The following ARNT variants were observed in gnomAD, a reference collection of about 807,000 sequenced individuals.
The protein encoded by ARNT is class E basic helix-loop-helix protein 2.
ARNT carries 30 observed loss-of-function variants against 105.0 expected under a neutral mutation model. The ratio of observed to expected loss-of-function variants is 0.29; its 90% CI spans 0.21 to 0.39. ARNT has a LOEUF of 0.39. Ranked by LOEUF, ARNT falls within the 10% of genes least tolerant of loss-of-function variation. ARNT has a pLI of 1.00. For synonymous variants in ARNT, 304 were observed against 344.0 expected (o/e 0.88, Z 1.29); for missense variants, 748 against 978.7 (o/e 0.76, Z 3.15).
intron 3 of ARNT, among the ~76,000 whole-genome samples, chr1:150,851,581 CAT>C (rs1663570431): frequency 6.6e-6 from 1 of 152,190 alleles, no homozygotes; most frequent in African/African-American, 2.4e-5. Context: ...CTCTCTGAAA[CAT>C]GTGCTGTGTC....
At chr1:150,860,566 TAA>T (rs1665445673) in intron 1 of ARNT, among the ~76,000 whole-genome samples, 1 of 151,552 alleles carries the variant, frequency 6.6e-6, no homozygotes, top group African/African-American at 2.4e-5. Flanking sequence ...CCAAAATATA[TAA>T]AGAGTGGCCA....
intron 14 of ARNT, among the ~76,000 whole-genome samples, chr1:150,822,705 C>T (rs1215531470): frequency 6.6e-6 from 1 of 152,150 alleles, no homozygotes; most frequent in East Asian, 1.9e-4. Context: ...AGCAAATTGA[C>T]TGAACCCAAG....
chr1:150,826,341 T>C (rs1320015407), intron 13 of ARNT, among the ~76,000 whole-genome samples: 3 of 152,184 alleles, frequency 2.0e-5, no homozygotes, highest in African/African-American at 7.2e-5. Context: ...AGACAGTAAA[T>C]AGCCAAAGCC....
rs188839167 is a variant in ARNT, at chr1:150,874,007, A to C, written c.25+2536T>G. ...TATTTTTTAAAATCTTGACAAAACT[A>C]ACAAGAATTGTAAAAAAAAAAAAAA... is the stretch of plus-strand genomic sequence containing the variant. On this transcript the variant is annotated intron_variant, in intron 1 of 21. Transcript: ENST00000358595. Among the ~76,000 whole-genome samples the C allele has an allele frequency of 8.7e-4, 129 of 148,908 alleles. No individual in the cohort carries two copies. In the East Asian group the frequency reaches 0.011, roughly 13 times the overall value.
rs755673704 is a variant in ARNT, at chr1:150,858,467, G to T, written c.26-7C>A. On this transcript the variant is annotated splice_polypyrimidine_tract_variant and splice_region_variant and intron_variant, in intron 1 of 21. Transcript: ENST00000358595. ...GGTACATCTGATGTCATTTCTGTCAGGAAAATAATGAAGTAAACATTTTTA... is the reference window on the plus strand; with the variant it reads ...GGTACATCTGATGTCATTTCTGTCATGAAAATAATGAAGTAAACATTTTTA... The T allele has an allele frequency of 5.1e-6, 8 of 1,579,800 alleles. No homozygotes were observed. Among genetic ancestry groups the T allele is most frequent in the Non-Finnish European group, 6.9e-6 (8 of 1,154,620 alleles).
intron 1 of ARNT, among the ~76,000 whole-genome samples, chr1:150,873,593 C>T (rs1043575498): frequency 6.6e-6 from 1 of 152,110 alleles, no homozygotes; most frequent in Admixed American, 6.6e-5. Context: ...GCCACCAGCA[C>T]AATTAACATG....
At chr1:150,823,701 C>T (rs890964939) in intron 13 of ARNT, among the ~76,000 whole-genome samples, 1 of 152,116 alleles carries the variant, frequency 6.6e-6, no homozygotes, top group Non-Finnish European at 1.5e-5. Flanking sequence ...CAGGCGCGTG[C>T]CACCACGCCC....
At chr1:150,815,260 A>G (rs1181203070) in intron 19 of ARNT, among the ~76,000 whole-genome samples, 1 of 152,088 alleles carries the variant, frequency 6.6e-6, no homozygotes, top group Non-Finnish European at 1.5e-5. Context: ...TTATAAAAGA[A>G]TTTTTCGGCT....
At chr1:150,856,029 A>G (rs1427886454) in intron 2 of ARNT, among the ~76,000 whole-genome samples, 1 of 152,258 alleles carries the variant, frequency 6.6e-6, no homozygotes, top group Non-Finnish European at 1.5e-5. Flanking sequence ...ATATAATTAC[A>G]TAACTATTAA....
At chr1:150,849,196 T>C (rs1315758955) in intron 3 of ARNT, among the ~76,000 whole-genome samples, 1 of 150,820 alleles carries the variant, frequency 6.6e-6, no homozygotes, top group Non-Finnish European at 1.5e-5. Context: ...AGAGTGAAAA[T>C]CAGTCTCAAA....
At chr1:150,836,751 A>G (rs1265011824) in intron 6 of ARNT, among the ~76,000 whole-genome samples, 7 of 152,308 alleles carry the variant, frequency 4.6e-5, no homozygotes, top group African/African-American at 1.4e-4. Context: ...AGAAGAATAA[A>G]AAGGCTTGGG....
In ARNT at chr1:150,818,680, C is replaced by T. The variant is rs185040065; in HGVS notation, c.1395-650G>A. ...GGGAGGATTGCTTGAGCCTGGGAGG[C>T]GGAGGTTGCAGTGAGCTGAGATAGC... On this transcript the variant is annotated intron_variant, in intron 14 of 21. Coordinates refer to ENST00000358595, the MANE Select transcript of ARNT (RefSeq NM_001668.4). Among the ~76,000 whole-genome samples the T allele has an allele frequency of 3.9e-5, 6 of 152,082 alleles. No individual in the cohort carries two copies. In the East Asian group the frequency reaches 5.8e-4, roughly 15 times the overall value.
rs1414470830 is a variant in ARNT at position 150,816,423 on chromosome 1, G to A, written c.1803-17C>T. 2 of 1,598,362 alleles carry A rather than the reference G, an allele frequency of 1.3e-6. No individual in the cohort carries two copies. The highest frequency in any genetic ancestry group is 2.3e-5 in the East Asian group (1 of 44,060). On this transcript the variant is annotated splice_polypyrimidine_tract_variant and intron_variant, in intron 18 of 21. Transcript: ENST00000358595. The stretch of plus-strand genomic sequence containing the variant: ...CCACTATTCCTAGGAGTGAATAAAT[G>A]AGGTAAAAGATTAAAAGGATAGATT...
intron 13 of ARNT, 71 bp downstream of exon 13, chr1:150,826,472 A>G (rs1272340788): frequency 8.0e-7 from 1 of 1,242,742 alleles, no homozygotes; most frequent in African/African-American, 1.5e-5. Flanking sequence ...GTGTTCAGTT[A>G]ATCAGTAGTC....
At chr1:150,832,905 CATATTGGGAT>C (rs766138114) in intron 8 of ARNT, among the ~76,000 whole-genome samples, 11 of 152,276 alleles carry the variant, frequency 7.2e-5, no homozygotes, top group South Asian at 4.1e-4. Context: ...GCCATGTCCA[CATATTGGGAT>C]ACTCCTGCCA....
At chr1:150,843,290 G>GGTATTT (rs1274564263) in intron 4 of ARNT, among the ~76,000 whole-genome samples, 1 of 152,070 alleles carries the variant, frequency 6.6e-6, no homozygotes, top group East Asian at 1.9e-4. Context: ...ATGATGGGTG[G>GGTATTT]CAACTGAGGA....
In ARNT at chr1:150,810,680, G is replaced by GTTC. The variant is rs1465710453; in HGVS notation, c.*1340_*1341insGAA. The stretch of plus-strand genomic sequence containing the variant: ...GTATCTACGACTGTTACCTGAGGAA[G>GTTC]GTAAAGGGTGAGGGTAGTAACCTGT... On this transcript the variant is annotated 3_prime_UTR_variant, in exon 22 of 22. Transcript: ENST00000358595. 1 of 218,270 alleles carries GTTC rather than the reference G, an allele frequency of 4.6e-6. No individual in the cohort carries two copies. The highest frequency in any genetic ancestry group is 9.2e-6 in the Non-Finnish European group (1 of 108,472). 13.5% of individuals were successfully genotyped at this position (218,270 alleles called of 1,614,324 possible). A position where few individuals can be genotyped will look rare whatever the true frequency, so the allele number is the denominator to read the frequency against.
chr1:150,858,107 C>T (rs1050305792), intron 2 of ARNT, among the ~76,000 whole-genome samples: 1 of 152,206 alleles, frequency 6.6e-6, no homozygotes, highest in African/African-American at 2.4e-5. Flanking sequence ...TAGCTACAGT[C>T]CTTTATCTTA....
At chr1:150,851,244 G>A (rs1194653086) in intron 3 of ARNT, among the ~76,000 whole-genome samples, 3 of 148,994 alleles carry the variant, frequency 2.0e-5, no homozygotes, top group South Asian at 2.1e-4. Flanking sequence ...AGGGTGGTGG[G>A]GGCGCCTCCG....
Sources: gnomAD v4.1 joint callset for allele counts (sites outside exome capture counted in the v4.1 genomes callset) on GRCh38, gnomAD v4.1.1 for gene constraint, MANE v1.5 for transcripts, NCBI Gene and HGNC (gene_info 2026-07-23, HGNC 2026-07-21) for gene names.